USH2A: variants seen among roughly 807,000 people sequenced by gnomAD.
USH2A encodes the protein usherin, also known as Usher syndrome 2A (autosomal recessive, mild).
A neutral mutation model predicts 538.9 loss-of-function variants in USH2A; 443 were observed. The observed-to-expected ratio is 0.82, with a 90% CI of 0.76 to 0.89. The LOEUF (loss-of-function observed/expected upper bound fraction) is 0.89. Ranked by LOEUF, USH2A falls within the 40% of genes least tolerant of loss-of-function variation. The pLI, the probability that USH2A is intolerant of heterozygous loss-of-function variation, is 0.00. For synonymous variants in USH2A, 2,413 were observed against 2,273.5 expected (o/e 1.06, Z -1.75); for missense variants, 6,633 against 6,324.8 (o/e 1.05, Z -1.65).
At chr1:216,042,720 CTATT>C (rs921465472) in intron 32 of USH2A, among the ~76,000 whole-genome samples, 2 of 152,104 alleles carry the variant, frequency 1.3e-5, no homozygotes, top group African/African-American at 4.8e-5. Context: ...AGTCCCTTTC[CTATT>C]TAGTCTTCTC....
intron 3 of USH2A, among the ~76,000 whole-genome samples, chr1:216,412,451 T>C (rs2039504101): frequency 6.6e-6 from 1 of 152,082 alleles, no homozygotes; most frequent in African/African-American, 2.4e-5. Flanking sequence ...ATTCTTTCTT[T>C]AAGCCATTGT....
rs888159208 is a variant in USH2A, at chr1:215,781,261, A to G, written c.10740+781T>C. ...GGTTTCTGACCAGATATTTTCACAT[A>G]AAGTGCCAAGTACTATCTGCTTCCG... On this transcript the variant is annotated intron_variant, in intron 54 of 71. Transcript: ENST00000307340. Among the ~76,000 whole-genome samples, 9 of 152,202 alleles carry G rather than the reference A, an allele frequency of 5.9e-5. 1 individual carries two copies. Among genetic ancestry groups the G allele is most frequent in the Non-Finnish European group, 1.0e-4 (7 of 68,038 alleles).
chr1:215,828,898 C>T (rs546382852), intron 47 of USH2A, among the ~76,000 whole-genome samples: 1 of 152,228 alleles, frequency 6.6e-6, no homozygotes, highest in South Asian at 2.1e-4. Flanking sequence ...CCTAGTGAAG[C>T]TGTCAGCTGC....
At chr1:216,376,069 TATA>T (rs1299758255) in intron 3 of USH2A, among the ~76,000 whole-genome samples, 5 of 152,082 alleles carry the variant, frequency 3.3e-5, no homozygotes, top group African/African-American at 1.2e-4. Context: ...CCATAACAGC[TATA>T]ATGATTGGAA....
chr1:216,177,480 AGCCT>A (rs1440257782), intron 20 of USH2A, among the ~76,000 whole-genome samples: 5 of 152,176 alleles, frequency 3.3e-5, no homozygotes, highest in Admixed American at 3.3e-4. Flanking sequence ...CAAAATAACA[AGCCT>A]GTGAGTTCAG....
At chr1:215,924,393 CAT>C (rs1342850261) in intron 38 of USH2A, among the ~76,000 whole-genome samples, 1 of 151,980 alleles carries the variant, frequency 6.6e-6, no homozygotes, top group Non-Finnish European at 1.5e-5. Flanking sequence ...GTATCTAAGA[CAT>C]ATTAAGAATT....
intron 61 of USH2A, among the ~76,000 whole-genome samples, chr1:215,721,215 C>G (rs934821846): frequency 6.6e-6 from 1 of 152,118 alleles, no homozygotes; most frequent in Admixed American, 6.5e-5. Flanking sequence ...GCTGGAATTA[C>G]AGGCACCAGC....
chr1:216,408,638 G>C (rs2039433868), intron 3 of USH2A, among the ~76,000 whole-genome samples: 1 of 152,138 alleles, frequency 6.6e-6, no homozygotes, highest in African/African-American at 2.4e-5. Context: ...CATTTGTTAA[G>C]TTGAGAGTGT....
intron 58 of USH2A, among the ~76,000 whole-genome samples, chr1:215,757,351 G>A (rs957476523): frequency 1.3e-5 from 2 of 152,172 alleles, no homozygotes; most frequent in Non-Finnish European, 2.9e-5. Context: ...TAAGTTTTAT[G>A]TATTAGGTCT....
At chr1:216,146,742 C>T (rs992468806) in intron 21 of USH2A, among the ~76,000 whole-genome samples, 20 of 152,042 alleles carry the variant, frequency 1.3e-4, no homozygotes, top group Admixed American at 6.5e-5. Context: ...GGGCAAGAAC[C>T]CCACTCCCCT....
At chr1:216,364,114 C>A (rs558032245) in intron 4 of USH2A, among the ~76,000 whole-genome samples, 1 of 151,198 alleles carries the variant, frequency 6.6e-6, no homozygotes, top group African/African-American at 2.4e-5. Context: ...CTAGATATTT[C>A]AAGATAATTT....
chr1:215,634,943 T>G (rs189558491), intron 69 of USH2A, among the ~76,000 whole-genome samples: 196 of 152,290 alleles, frequency 1.3e-3, no homozygotes, highest in Non-Finnish European at 2.3e-3. Flanking sequence ...CTGCTCAGGT[T>G]GGAAATCACC....
chr1:216,367,886 C>T (rs1185946650), intron 3 of USH2A, among the ~76,000 whole-genome samples: 2 of 152,144 alleles, frequency 1.3e-5, no homozygotes, highest in Admixed American at 6.5e-5. Flanking sequence ...AATGGAATTT[C>T]TGATTTGTGA....
At chr1:215,939,400 T>G (rs534529656) in intron 37 of USH2A, among the ~76,000 whole-genome samples, 1 of 152,272 alleles carries the variant, frequency 6.6e-6, no homozygotes, top group Admixed American at 6.5e-5. Flanking sequence ...AAGTGTTACA[T>G]GAAAAAATAG....
At chr1:215,973,318 C>G (rs1440585650) in intron 35 of USH2A, among the ~76,000 whole-genome samples, 1 of 152,088 alleles carries the variant, frequency 6.6e-6, no homozygotes, top group African/African-American at 2.4e-5. Flanking sequence ...TTCATTGAAA[C>G]TAAATCTCAT....
At chr1:215,710,042 A>G (rs547089686) in intron 61 of USH2A, among the ~76,000 whole-genome samples, 1 of 152,348 alleles carries the variant, frequency 6.6e-6, no homozygotes, top group East Asian at 1.9e-4. Context: ...GTGATCAGTT[A>G]CACTGAAAAA....
chr1:216,339,429 CTAA>C (rs2038033818), intron 4 of USH2A, among the ~76,000 whole-genome samples: 1 of 151,402 alleles, frequency 6.6e-6, no homozygotes, highest in Non-Finnish European at 1.5e-5. Flanking sequence ...ATTTTTCAAT[CTAA>C]TAATAAAAGT....
At chr1:216,247,271 T>C in intron 12 of USH2A, 45 bp from the exon 13 acceptor site, 1 of 1,607,216 alleles carries the variant, frequency 6.2e-7, no homozygotes, top group Non-Finnish European at 8.5e-7. Context: ...GAAAATGATT[T>C]CATTCAAGAT....
At chr1:216,393,932 A>G (rs914400929) in intron 3 of USH2A, among the ~76,000 whole-genome samples, 1 of 152,212 alleles carries the variant, frequency 6.6e-6, no homozygotes, top group Non-Finnish European at 1.5e-5. Context: ...CAAGACATAA[A>G]GAGCCATAGA....
Sources: gnomAD v4.1 joint callset for allele counts (sites outside exome capture counted in the v4.1 genomes callset) on GRCh38, gnomAD v4.1.1 for gene constraint, MANE v1.5 for transcripts, NCBI Gene and HGNC (gene_info 2026-07-23, HGNC 2026-07-21) for gene names.